Variants in TCOF1 observed in about 807,000 individuals in gnomAD.
The protein encoded by TCOF1 is treacle ribosome biogenesis factor 1.
Under a neutral mutation model 149.0 loss-of-function variants are expected in TCOF1, and 33 were observed. That is an observed-to-expected ratio of 0.22 (90% confidence interval 0.17 to 0.30). TCOF1 has a LOEUF of 0.30. Among genes scored for constraint, TCOF1 ranks in the 10% least tolerant of loss-of-function variants. TCOF1 has a pLI of 1.00. For synonymous variants in TCOF1, 789 were observed against 738.8 expected (o/e 1.07, Z -1.10); for missense variants, 1,728 against 1,840.7 (o/e 0.94, Z 1.12).
intron 3 of TCOF1, among the ~76,000 whole-genome samples, chr5:150,364,498 A>G (rs1321573726): frequency 6.6e-6 from 1 of 152,196 alleles, no homozygotes; most frequent in Non-Finnish European, 1.5e-5. Context: ...CATTTGGTGT[A>G]TGGGGCCCAG....
chr5:150,375,365 G>A lies in TCOF1; in HGVS notation c.1515G>A (p.Gln505=), dbSNP rs747340089. Reference sequence around the variant, plus strand: ...TGAAGCCCTTGGGGAAAAGCCCCCAGGTGAAACCTGCCTCTACCATGGGCA... The same window carrying A: ...TGAAGCCCTTGGGGAAAAGCCCCCAAGTGAAACCTGCCTCTACCATGGGCA... ...AQVKPLGKSP[Q]VKPASTMGMG... Residue 505 remains glutamine, a synonymous_variant, in exon 11 of 27, where the codon CAG becomes CAA. Coordinates refer to ENST00000643257, the MANE Select transcript of TCOF1 (RefSeq NM_001371623.1). The A allele has an allele frequency of 6.2e-7, 1 of 1,612,040 alleles. No individual in the cohort carries two copies. The highest frequency in any genetic ancestry group is 1.3e-5 in the African/African-American group (1 of 74,884).
intron 3 of TCOF1, chr5:150,367,573 G>C: frequency 4.3e-6 from 2 of 461,724 alleles, no homozygotes; most frequent in Non-Finnish European, 8.1e-6. Context: ...CCCTCCAGGG[G>C]CCTCCACGTC....
At chr5:150,365,635 G>A (rs1275707076) in intron 3 of TCOF1, among the ~76,000 whole-genome samples, 1 of 151,968 alleles carries the variant, frequency 6.6e-6, no homozygotes, top group South Asian at 2.1e-4. Flanking sequence ...ATTTCTTACT[G>A]ATTGGCTATT....
Position 150,374,292 on chromosome 5 carries a change from C to T in TCOF1, c.989C>T (p.Thr330Ile). ...PGKAGAVASQ[T>I]KAGKPEEDSE... The stretch of plus-strand genomic sequence containing the variant: ...AAGGCAGGGGCTGTAGCCTCCCAGA[C>T]CAAGGCAGGGAAGCCAGAGGAGGAC... The change falls in exon 8 of 27, where the codon ACC becomes ATC. Residue 330 changes from threonine (T) to isoleucine (I), a missense_variant. Thr to Ile is a moderately conservative substitution (Grantham distance 89). This residue lies in a region of TCOF1 where 1,696 missense variants were observed against 1,765.4 expected (regional missense o/e 0.96). Transcript: ENST00000643257. 1 of 1,593,596 alleles carries T rather than the reference C, an allele frequency of 6.3e-7. No homozygotes were observed. Among genetic ancestry groups the T allele is most frequent in the Non-Finnish European group, 8.6e-7 (1 of 1,169,302 alleles).
At chr5:150,373,290 C>T (rs1762951984) in intron 7 of TCOF1, among the ~76,000 whole-genome samples, 1 of 152,186 alleles carries the variant, frequency 6.6e-6, no homozygotes, top group South Asian at 2.1e-4. Flanking sequence ...GTCCTCCCAC[C>T]TTGGCCTCCC....
At chr5:150,389,559 C>T (rs548199401) in intron 18 of TCOF1, among the ~76,000 whole-genome samples, 3 of 152,306 alleles carry the variant, frequency 2.0e-5, no homozygotes, top group South Asian at 4.1e-4. Context: ...TTAGGAGAGA[C>T]GATTTTAACT....
At chr5:150,399,407 A>C (rs895831889) in intron 26 of TCOF1, among the ~76,000 whole-genome samples, 1 of 151,954 alleles carries the variant, frequency 6.6e-6, no homozygotes, top group African/African-American at 2.4e-5. Flanking sequence ...TGAGCGGTTC[A>C]TTTTCCTCAT....
At chr5:150,390,125 G>A (rs56287670) in intron 19 of TCOF1, 102 bp downstream of exon 19, 23 of 1,524,714 alleles carry the variant, frequency 1.5e-5, no homozygotes, top group South Asian at 1.1e-4. Context: ...TTGCTGTCAC[G>A]CCCACACTCC....
At chr5:150,385,047 T>C (rs1765999155) in intron 17 of TCOF1, 2 of 985,440 alleles carry the variant, frequency 2.0e-6, no homozygotes, top group South Asian at 4.7e-5. Context: ...TCAGGACAGC[T>C]TCCAGATTTA....
Position 150,376,119 on chromosome 5 carries a change from G to C in TCOF1, c.1931G>C (p.Cys644Ser), listed in dbSNP as rs778283941. 1 of 1,614,228 alleles carries C rather than the reference G, an allele frequency of 6.2e-7. No individual in the cohort carries two copies. Residue 644 changes from cysteine to serine, a missense_variant, in exon 13 of 27, where the codon TGC (cysteine) becomes TCC (serine). By Grantham distance (112) the Cys-to-Ser change is moderately radical (BLOSUM62 -1). This residue lies in a region of TCOF1 where 1,696 missense variants were observed against 1,765.4 expected (regional missense o/e 0.96). Coordinates refer to ENST00000643257, the MANE Select transcript of TCOF1 (RefSeq NM_001371623.1). ...PALKIPQTKACPKKTNTTASA... is the reference protein window; with the variant it reads ...PALKIPQTKASPKKTNTTASA... ...CTGAAAATTCCTCAGACCAAGGCCT[G>C]CCCAAAGAAAACCAATACCACTGCA...
chr5:150,363,304 C>T (rs1021512407), intron 2 of TCOF1, among the ~76,000 whole-genome samples: 2 of 152,170 alleles, frequency 1.3e-5, no homozygotes, highest in African/African-American at 2.4e-5. Context: ...TTCCTGGGAA[C>T]AAGGGACCCT....
At chr5:150,389,147 A>AT (rs1230156918) in intron 18 of TCOF1, among the ~76,000 whole-genome samples, 1 of 152,228 alleles carries the variant, frequency 6.6e-6, no homozygotes, top group Non-Finnish European at 1.5e-5. Flanking sequence ...ATGTGTGTGT[A>AT]TATTTTTTTA....
At position 150,399,844 on chromosome 5, in the gene TCOF1, C is replaced by T. The variant is rs1769419686; in HGVS notation, c.*57C>T. ...AGCCGAGCAGTGGCCATCCCCATGC[C>T]TCTGACCTCCACCGACCTCTGCCCA... is the stretch of plus-strand genomic sequence containing the variant. On this transcript the variant is annotated 3_prime_UTR_variant, in exon 27 of 27. Coordinates refer to ENST00000643257, the MANE Select transcript of TCOF1 (RefSeq NM_001371623.1). 6.5e-6 allele frequency: 1 copy of T among 152,780 alleles called. No homozygotes were observed. Among genetic ancestry groups the T allele is most frequent in the East Asian group, 1.9e-4 (1 of 5,194 alleles). 9.5% of individuals were successfully genotyped at this position (152,780 alleles called of 1,614,324 possible). A position where few individuals can be genotyped will look rare whatever the true frequency, so the allele number is the denominator to read the frequency against.
chr5:150,374,487 C>A, intron 8 of TCOF1, 101 bp downstream of exon 8: 1 of 1,555,020 alleles, frequency 6.4e-7, no homozygotes, highest in Non-Finnish European at 8.7e-7. Flanking sequence ...GGGCGTGCCT[C>A]AGACCCCAGC....
intron 6 of TCOF1, among the ~76,000 whole-genome samples, chr5:150,370,806 G>A (rs1762359346): frequency 6.6e-6 from 1 of 152,132 alleles, no homozygotes; most frequent in South Asian, 2.1e-4. Flanking sequence ...GTCTCTACAA[G>A]ATGTTATTTT....
chr5:150,357,707 GCGGGGCGTGCA>G lies in TCOF1; in HGVS notation c.-39_-29del. On this transcript the variant is annotated 5_prime_UTR_variant, in exon 1 of 27. Coordinates refer to ENST00000643257, the MANE Select transcript of TCOF1 (RefSeq NM_001371623.1). Reference sequence around the variant, plus strand: ...AGGGAAGTGGCGGGCGGGGACTAAGGCGGGGCGTGCAGGTAGCCGGCCGGCCGGGGGTCGCG... The same window carrying G: ...AGGGAAGTGGCGGGCGGGGACTAAGGGGTAGCCGGCCGGCCGGGGGTCGCG... The G allele has an allele frequency of 6.6e-7, 1 of 1,524,792 alleles. No individual in the cohort carries two copies. Among genetic ancestry groups the G allele is most frequent in the Non-Finnish European group, 8.9e-7 (1 of 1,128,998 alleles). 94.5% of individuals were successfully genotyped at this position (1,524,792 alleles called of 1,614,324 possible).
chr5:150,392,531 G>A (rs1767650933), intron 21 of TCOF1, 174 bp from the exon 22 acceptor site: 1 of 665,742 alleles, frequency 1.5e-6, no homozygotes. Flanking sequence ...AGCATGCTGT[G>A]ACTAGCGATA....
chr5:150,358,469 A>G (rs1206432664), intron 1 of TCOF1, among the ~76,000 whole-genome samples: 1 of 152,174 alleles, frequency 6.6e-6, no homozygotes, highest in Non-Finnish European at 1.5e-5. Context: ...CCTGGAGCTT[A>G]CACTCTAGTA....
intron 17 of TCOF1, among the ~76,000 whole-genome samples, chr5:150,386,958 GAT>G (rs1394312531): frequency 6.6e-6 from 1 of 152,188 alleles, no homozygotes; most frequent in Non-Finnish European, 1.5e-5. Context: ...CATACCCAAA[GAT>G]AGATAATGTA....
Sources: gnomAD v4.1 joint callset for allele counts (sites outside exome capture counted in the v4.1 genomes callset) on GRCh38, gnomAD v4.1.1 for gene constraint, gnomAD v4.1.1 regional missense constraint, MANE v1.5 for transcripts, NCBI Gene and HGNC (gene_info 2026-07-23, HGNC 2026-07-21) for gene names.